Variants in ATG7 observed in about 807,000 individuals in gnomAD.
ATG7 encodes the protein ubiquitin-like modifier-activating enzyme ATG7.
In ATG7, 70 loss-of-function variants were observed where a neutral mutation model predicts 82.4. That is an observed-to-expected ratio of 0.85 (90% CI 0.70 to 1.04). The LOEUF is 1.04. Ranked by LOEUF, ATG7 falls within the 50% of genes least tolerant of loss-of-function variation. The pLI is 0.00. For synonymous variants in ATG7, 287 were observed against 313.0 expected (o/e 0.92, Z 0.88); for missense variants, 792 against 864.3 (o/e 0.92, Z 1.05).
intron 5 of ATG7, chr3:11,304,383 TG>T (rs1215427734): frequency 6.6e-6 from 1 of 152,200 alleles, no homozygotes; most frequent in African/African-American, 2.4e-5. Context: ...AAGACACCAG[TG>T]GACTGTGTTA....
chr3:11,525,881 C>G (rs193028152), intron 20 of ATG7, among the ~76,000 whole-genome samples: 1 of 152,118 alleles, frequency 6.6e-6, no homozygotes, highest in African/African-American at 2.4e-5. Flanking sequence ...AATCAAAAGA[C>G]CACTAGCAGC....
At chr3:11,389,593 C>T (rs529397569) in intron 19 of ATG7, among the ~76,000 whole-genome samples, 2 of 152,178 alleles carry the variant, frequency 1.3e-5, no homozygotes, top group Non-Finnish European at 2.9e-5. Flanking sequence ...CCTTAAGCTA[C>T]TGCAAGTGTG....
At chr3:11,306,903 C>T (rs748574941) in intron 5 of ATG7, 40 bp from the exon 6 acceptor site, 1 of 1,547,012 alleles carries the variant, frequency 6.5e-7, no homozygotes, top group East Asian at 2.2e-5. Context: ...CTGGCTGAGT[C>T]CCAGCTGTGC....
chr3:11,435,922 G>A (rs1576396999), intron 20 of ATG7, among the ~76,000 whole-genome samples: 1 of 152,110 alleles, frequency 6.6e-6, no homozygotes, highest in African/African-American at 2.4e-5. Flanking sequence ...CCTGATAAGG[G>A]TGTGGTATCT....
chr3:11,380,493 G>A (rs1259056067), intron 19 of ATG7, among the ~76,000 whole-genome samples: 1 of 152,142 alleles, frequency 6.6e-6, no homozygotes, highest in Non-Finnish European at 1.5e-5. Context: ...GGCCTGGATG[G>A]GGAGCCACTA....
At chr3:11,451,260 G>T (rs918039818) in intron 20 of ATG7, among the ~76,000 whole-genome samples, 1 of 150,572 alleles carries the variant, frequency 6.6e-6, no homozygotes, top group African/African-American at 2.5e-5. Context: ...CACCCAGGCT[G>T]GAGTGTAGTG....
chr3:11,315,424 T>C lies in ATG7; in HGVS notation c.609T>C (p.Tyr203=). The change falls in exon 9 of 21, where the codon TAT becomes TAC. Residue 203 remains tyrosine, a synonymous_variant. Transcript: ENST00000693202. ...VTALPYFLIK[Y]DENMVLVSLL... is the part of the protein sequence containing the mutation. The stretch of plus-strand genomic sequence containing the variant: ...CTCTTCCTTACTTCTTAATCAAGTA[T>C]GATGAGAACATGGTGCTGGTTTCCT... 6.2e-7 allele frequency: 1 copy of C among 1,613,052 alleles called. No individual in the cohort carries two copies. Among genetic ancestry groups the C allele is most frequent in the African/African-American group, 1.3e-5 (1 of 75,038 alleles).
chr3:11,557,132 A>C lies in ATG7; in HGVS notation c.*2289A>C, dbSNP rs2072505350. The C allele has an allele frequency of 6.6e-6, 1 of 152,540 alleles. No homozygotes were observed. Among genetic ancestry groups the C allele is most frequent in the Non-Finnish European group, 1.5e-5 (1 of 68,032 alleles). The allele number at this position is 152,540 out of a possible 1,614,324, so 9.4% of individuals were successfully genotyped here. A position where few individuals can be genotyped will look rare whatever the true frequency, so the allele number is the denominator to read the frequency against. On this transcript the variant is annotated 3_prime_UTR_variant, in exon 21 of 21. Transcript: ENST00000693202. The stretch of plus-strand genomic sequence containing the variant: ...GTGGGACACAGCACACCCCAGGGGG[A>C]GGGGATAGAAACGCTCATTGACCAA...
rs181806781 is a variant in ATG7, at chr3:11,369,075, G to A, written c.1875+4341G>A. 6.6e-4 allele frequency among the ~76,000 whole-genome samples: 100 copies of A among 150,938 alleles called. 8 individuals are homozygous for A. Among genetic ancestry groups the A allele is most frequent in the African/African-American group, 2.3e-3 (95 of 40,938 alleles). On this transcript the variant is annotated intron_variant, in intron 18 of 20. Coordinates refer to ENST00000693202, the MANE Select transcript of ATG7 (RefSeq NM_001349232.2). ...TTGAGTCACATGCTGAGGTGGAGCT[G>A]GGATCTCTAGCCATATCTCGGGATA... is the stretch of plus-strand genomic sequence containing the variant.
At chr3:11,309,800 T>C (rs1045132546) in intron 7 of ATG7, among the ~76,000 whole-genome samples, 1 of 152,206 alleles carries the variant, frequency 6.6e-6, no homozygotes, top group Admixed American at 6.5e-5. Flanking sequence ...TATTATTATA[T>C]TGACTATATA....
chr3:11,292,404 C>T (rs142214257), intron 3 of ATG7, among the ~76,000 whole-genome samples: 72 of 152,116 alleles, frequency 4.7e-4, no homozygotes, highest in African/African-American at 1.7e-3. Context: ...GGATTACAGG[C>T]GTGCACCACC....
chr3:11,329,282 A>G (rs536601618), intron 9 of ATG7, among the ~76,000 whole-genome samples: 116 of 152,326 alleles, frequency 7.6e-4, no homozygotes, highest in African/African-American at 2.6e-3. Flanking sequence ...TTAAGCTCCT[A>G]CTTTGTGGCT....
At chr3:11,408,447 T>G (rs1013638198) in intron 19 of ATG7, among the ~76,000 whole-genome samples, 1 of 152,326 alleles carries the variant, frequency 6.6e-6, no homozygotes, top group Non-Finnish European at 1.5e-5. Flanking sequence ...AGTTCCATAT[T>G]TGCTTCCACA....
chr3:11,445,211 C>T (rs768483351), intron 20 of ATG7, among the ~76,000 whole-genome samples: 4 of 152,120 alleles, frequency 2.6e-5, no homozygotes, highest in Non-Finnish European at 5.9e-5. Context: ...GGTATATACC[C>T]AAAGGAATAT....
At chr3:11,367,251 C>G (rs2076689382) in intron 18 of ATG7, among the ~76,000 whole-genome samples, 1 of 152,150 alleles carries the variant, frequency 6.6e-6, no homozygotes, top group Non-Finnish European at 1.5e-5. Context: ...TGCCCTGTTG[C>G]AAACTCAGCA....
At chr3:11,397,739 G>GAGC (rs376849787) in intron 19 of ATG7, among the ~76,000 whole-genome samples, 150,333 of 150,340 alleles carry the variant, frequency 1, 75,163 homozygotes, top group Non-Finnish European at 1. Flanking sequence ...TTACAGGCGT[G>GAGC]CACCCACGCC....
intron 20 of ATG7, among the ~76,000 whole-genome samples, chr3:11,551,175 C>T (rs2125061447): frequency 6.6e-6 from 1 of 152,298 alleles, no homozygotes; most frequent in African/African-American, 2.4e-5. Flanking sequence ...TCCTGCGGGC[C>T]GTCTGAGTGT....
In ATG7 at chr3:11,352,247, A is replaced by G. The variant is rs532890355; in HGVS notation, c.1284+4212A>G. Among the ~76,000 whole-genome samples the G allele has an allele frequency of 1.9e-4, 29 of 152,186 alleles. No individual in the cohort carries two copies. In the South Asian group the frequency reaches 3.5e-3, roughly 19 times the overall value. ...GTGCCACATTTTCTTAATCCAGTCT[A>G]TCATTGATGGACATTTGGGTTGGTT... On this transcript the variant is annotated intron_variant, in intron 14 of 20. Transcript: ENST00000693202.
chr3:11,506,805 C>G (rs1462201099), intron 20 of ATG7, among the ~76,000 whole-genome samples: 2 of 152,030 alleles, frequency 1.3e-5, no homozygotes, highest in African/African-American at 4.8e-5. Context: ...CAGCCCTGGT[C>G]TAGAGGAGTG....
Sources: allele counts gnomAD v4.1 joint callset (sites outside exome capture counted in the v4.1 genomes callset), GRCh38; gene constraint gnomAD v4.1.1; transcripts MANE v1.5; gene names NCBI Gene and HGNC (gene_info 2026-07-23, HGNC 2026-07-21).